The following CILK1 variants were observed in gnomAD, a reference collection of about 807,000 sequenced individuals.
The protein encoded by CILK1 is serine/threonine-protein kinase ICK.
A neutral mutation model predicts 79.2 loss-of-function variants in CILK1; 47 were observed. The observed-to-expected ratio is 0.59, with a 90% CI of 0.47 to 0.76. The LOEUF (loss-of-function observed/expected upper bound fraction) is 0.76, where lower values mean the gene tolerates loss of function less well. Among genes scored for constraint, CILK1 ranks in the 30% least tolerant of loss-of-function variants. The pLI is 0.00. For missense variants in CILK1, 660 were observed against 769.5 expected, an observed-to-expected ratio of 0.86 and a Z score of 1.68; for synonymous variants, 266 against 275.9, an observed-to-expected ratio of 0.96 and a Z score of 0.36.
At chr6:53,019,590 T>C (rs1030702752) in intron 5 of CILK1, among the ~76,000 whole-genome samples, 1 of 152,240 alleles carries the variant, frequency 6.6e-6, no homozygotes, top group Non-Finnish European at 1.5e-5. Context: ...ATAATTTTTT[T>C]TAACTAGAGA....
At chr6:53,022,247 T>C (rs1666675693) in intron 5 of CILK1, among the ~76,000 whole-genome samples, 1 of 152,222 alleles carries the variant, frequency 6.6e-6, no homozygotes, top group South Asian at 2.1e-4. Flanking sequence ...GTACAGTGTT[T>C]ATAAAGTGTC....
intron 11 of CILK1, among the ~76,000 whole-genome samples, chr6:53,009,877 T>C (rs1441370656): frequency 3.3e-5 from 5 of 152,126 alleles, no homozygotes. Context: ...GACTACTTCC[T>C]TTCAGTCACC....
intron 1 of CILK1, among the ~76,000 whole-genome samples, chr6:53,046,364 AAT>A (rs1767074004): frequency 6.6e-6 from 1 of 152,166 alleles, no homozygotes; most frequent in African/African-American, 2.4e-5. Context: ...TTGGATAATT[AAT>A]GTCCCTTCCT....
rs778464548 is a variant in CILK1 at position 53,011,864 on chromosome 6, C to G, written c.1397G>C (p.Ser466Thr). Reference protein sequence around the residue: ...KPSEPVGTGNSAPTQTSYQRR... With the variant: ...KPSEPVGTGNTAPTQTSYQRR... ...CTGATATGACGTCTGGGTGGGGGCACTGTTTCCTGTGCCCACAGGCTCAGA... is the reference window on the plus strand; with the variant it reads ...CTGATATGACGTCTGGGTGGGGGCAGTGTTTCCTGTGCCCACAGGCTCAGA... The change falls in exon 11 of 14, where the codon AGT (serine) becomes ACT (threonine). Residue 466 changes from serine (S) to threonine (T), a missense_variant. Coordinates refer to ENST00000676107, the MANE Select transcript of CILK1 (RefSeq NM_014920.5). 5.6e-6 allele frequency: 9 copies of G among 1,614,158 alleles called. No homozygotes were observed. The East Asian group carries it at 1.3e-4, about 24-fold the overall frequency.
intron 1 of CILK1, among the ~76,000 whole-genome samples, chr6:53,047,575 T>C (rs2127460499): frequency 6.8e-6 from 1 of 148,122 alleles, no homozygotes; most frequent in East Asian, 2.0e-4. Flanking sequence ...CTTCCCAAAG[T>C]GCTAGGATTA....
intron 13 of CILK1, among the ~76,000 whole-genome samples, chr6:53,005,864 A>G (rs970951505): frequency 6.7e-6 from 1 of 150,208 alleles, no homozygotes; most frequent in Non-Finnish European, 1.5e-5. Flanking sequence ...TCCCCCTCTC[A>G]CTCCTGTCAC....
At chr6:53,053,220 C>T (rs1164637274) in intron 1 of CILK1, among the ~76,000 whole-genome samples, 3 of 152,132 alleles carry the variant, frequency 2.0e-5, no homozygotes, top group African/African-American at 7.2e-5. Flanking sequence ...GCTTCTGGTA[C>T]AGATAGTTAA....
chr6:53,055,558 G>C (rs930984764), intron 1 of CILK1, among the ~76,000 whole-genome samples: 15 of 152,166 alleles, frequency 9.9e-5, no homozygotes, highest in African/African-American at 3.4e-4. Flanking sequence ...GCATCAACTG[G>C]ATGTTAACAA....
At chr6:53,058,168 G>C (rs1238596292) in intron 1 of CILK1, among the ~76,000 whole-genome samples, 1 of 152,174 alleles carries the variant, frequency 6.6e-6, no homozygotes, top group East Asian at 1.9e-4. Context: ...TTCTGTTTGG[G>C]TTGAGTGTTT....
In CILK1 at chr6:53,041,330, C is replaced by A; in HGVS notation, c.-94G>T. On this transcript the variant is annotated 5_prime_UTR_variant, in exon 2 of 14. Transcript: ENST00000676107. ...CTCCCCAGAGTGTAACCAGATTTTTCGATGGCAGCACCAGCACAAGGTATT... is the reference window on the plus strand; with the variant it reads ...CTCCCCAGAGTGTAACCAGATTTTTAGATGGCAGCACCAGCACAAGGTATT... 1.2e-6 allele frequency: 1 copy of A among 820,506 alleles called. No individual in the cohort carries two copies. The highest frequency in any genetic ancestry group is 1.3e-5 in the South Asian group (1 of 74,612). 50.8% of individuals were successfully genotyped at this position (820,506 alleles called of 1,614,324 possible).
intron 5 of CILK1, among the ~76,000 whole-genome samples, chr6:53,025,377 A>G (rs1222610416): frequency 6.6e-6 from 1 of 152,102 alleles, no homozygotes; most frequent in Non-Finnish European, 1.5e-5. Flanking sequence ...TCTTCCTATC[A>G]TCAATTCATA....
At chr6:53,020,416 T>A (rs1765160311) in intron 5 of CILK1, among the ~76,000 whole-genome samples, 2 of 152,248 alleles carry the variant, frequency 1.3e-5, no homozygotes, top group African/African-American at 4.8e-5. Context: ...CTGCTGCTGA[T>A]GCTATTATTT....
At chr6:53,028,217 G>A (rs1391623154) in intron 5 of CILK1, among the ~76,000 whole-genome samples, 1 of 152,058 alleles carries the variant, frequency 6.6e-6, no homozygotes, top group Non-Finnish European at 1.5e-5. Context: ...TCAGGTGGCC[G>A]AGGCATGAGG....
intron 1 of CILK1, among the ~76,000 whole-genome samples, chr6:53,051,374 C>T (rs1293209219): frequency 6.6e-6 from 1 of 152,206 alleles, no homozygotes; most frequent in Non-Finnish European, 1.5e-5. Context: ...AATTTATTCT[C>T]TCAGGTTTCT....
At chr6:53,055,503 T>C (rs1420417376) in intron 1 of CILK1, among the ~76,000 whole-genome samples, 2 of 152,246 alleles carry the variant, frequency 1.3e-5, no homozygotes, top group Non-Finnish European at 2.9e-5. Flanking sequence ...TCTTGCTTTG[T>C]CTTTACCTTG....
intron 5 of CILK1, among the ~76,000 whole-genome samples, chr6:53,024,564 G>A (rs866548082): frequency 6.6e-6 from 1 of 152,192 alleles, no homozygotes; most frequent in African/African-American, 2.4e-5. Flanking sequence ...TACAAGCAGT[G>A]ATTACAGTGA....
intron 5 of CILK1, among the ~76,000 whole-genome samples, chr6:53,029,098 A>T (rs1294929831): frequency 6.6e-6 from 1 of 152,184 alleles, no homozygotes; most frequent in African/African-American, 2.4e-5. Context: ...ACTTTTGTTT[A>T]AGTCTACCAC....
intron 1 of CILK1, among the ~76,000 whole-genome samples, chr6:53,053,627 GC>G (rs1295488487): frequency 3.3e-5 from 5 of 152,322 alleles, no homozygotes; most frequent in Admixed American, 6.5e-5. Flanking sequence ...TTAAGGGAAA[GC>G]TTTCAAAAGA....
rs771948872 is a variant in CILK1, at chr6:53,018,279, G to A, written c.663+51C>T. ...TGCTGAACAGGGCTGAGCGGAGGAA[G>A]CATGGGAAGCTGTTGGCTTTGGCCC... On this transcript the variant is annotated intron_variant, in intron 7 of 13. Transcript: ENST00000676107. The A allele has an allele frequency of 3.2e-6, 5 of 1,554,028 alleles. No individual in the cohort carries two copies. In the South Asian group the frequency reaches 5.6e-5, roughly 17 times the overall value.
Sources: allele counts gnomAD v4.1 joint callset (sites outside exome capture counted in the v4.1 genomes callset), GRCh38; gene constraint gnomAD v4.1.1; transcripts MANE v1.5; gene names NCBI Gene and HGNC (gene_info 2026-07-23, HGNC 2026-07-21).